Variants in DCDC2C observed in about 807,000 individuals in gnomAD.
DCDC2C encodes doublecortin domain-containing protein 2C.
Under a neutral mutation model 45.0 loss-of-function variants are expected in DCDC2C, and 44 were observed. The observed-to-expected ratio is 0.98, with a 90% CI of 0.77 to 1.26. The LOEUF is 1.26. DCDC2C is among the 50% of genes most tolerant of loss of function. The pLI is 0.00. For synonymous variants in DCDC2C, 187 were observed against 178.8 expected, an observed-to-expected ratio of 1.05 and a Z score of -0.37; for missense variants, 447 against 468.9, an observed-to-expected ratio of 0.95 and a Z score of 0.43.
intron 8 of DCDC2C, among the ~76,000 whole-genome samples, chr2:3,773,624 T>G (rs1670246840): frequency 6.6e-6 from 1 of 152,246 alleles, no homozygotes; most frequent in Non-Finnish European, 1.5e-5. Flanking sequence ...AAGCAAGGTC[T>G]TCTTCCAGTG....
intron 6 of DCDC2C, among the ~76,000 whole-genome samples, chr2:3,758,971 C>A (rs900210272): frequency 2.0e-5 from 3 of 152,170 alleles, no homozygotes; most frequent in Non-Finnish European, 2.9e-5. Flanking sequence ...AACCTGTGTG[C>A]AGCCTGAGAG....
At chr2:3,839,464 A>G (rs1467422367) in intron 10 of DCDC2C, among the ~76,000 whole-genome samples, 1 of 152,220 alleles carries the variant, frequency 6.6e-6, no homozygotes, top group Non-Finnish European at 1.5e-5. Flanking sequence ...TAATATTCAA[A>G]TCACATAATA....
At chr2:3,704,745 C>G (rs1474287983) in intron 1 of DCDC2C, among the ~76,000 whole-genome samples, 1 of 81,226 alleles carries the variant, frequency 1.2e-5, no homozygotes, top group African/African-American at 5.0e-5. Flanking sequence ...GCGTGGGGGG[C>G]AGGGCCTGGG....
Position 3,785,074 on chromosome 2 carries a change from A to G in DCDC2C, c.1039A>G (p.Arg347Gly). The change falls in exon 10 of 11, where the codon AGG becomes GGG. Residue 347 changes from arginine to glycine, a missense_variant. Arg to Gly is a moderately radical substitution (Grantham distance 125). Coordinates refer to ENST00000399143, the MANE Select transcript of DCDC2C (RefSeq NM_001287444.2). ...FEGNKDKEDARLCEDVERKMA... is the reference protein window; with the variant it reads ...FEGNKDKEDAGLCEDVERKMA... ...TTCATACTAGGATAAAGAAGATGCA[A>G]GGCTTTGTGAAGACGTTGAAAGAAA... 1 of 1,231,758 alleles carries G rather than the reference A, an allele frequency of 8.1e-7. No individual in the cohort carries two copies. 76.3% of individuals were successfully genotyped at this position (1,231,758 alleles called of 1,614,324 possible).
intron 6 of DCDC2C, among the ~76,000 whole-genome samples, chr2:3,765,155 C>T (rs988596912): frequency 2.0e-5 from 3 of 152,174 alleles, no homozygotes; most frequent in African/African-American, 7.2e-5. Flanking sequence ...TCTATCAATG[C>T]CCTGCATTTT....
intron 7 of DCDC2C, among the ~76,000 whole-genome samples, chr2:3,768,570 GCTT>G (rs1317221032): frequency 6.6e-6 from 1 of 152,036 alleles, no homozygotes; most frequent in Non-Finnish European, 1.5e-5. Context: ...TCCCCTCTTG[GCTT>G]CTTCTTTTCT....
At position 3,761,994 on chromosome 2, in the gene DCDC2C, A is replaced by G. The variant is rs1435580721; in HGVS notation, c.727-5760A>G. On this transcript the variant is annotated intron_variant, in intron 6 of 10. Coordinates refer to ENST00000399143, the MANE Select transcript of DCDC2C (RefSeq NM_001287444.2). This position sits in a 1 kb window ranked among gnomAD's most constrained non-coding sequence, Gnocchi z 4.3. Reference sequence around the variant, plus strand: ...ACATTTTCAATAGGGAGAAAGATGAATGAAATTGAGAAGCGGTACCTGTCC... The same window carrying G: ...ACATTTTCAATAGGGAGAAAGATGAGTGAAATTGAGAAGCGGTACCTGTCC... Among the ~76,000 whole-genome samples the G allele has an allele frequency of 1.3e-5, 2 of 152,182 alleles. No homozygotes were observed. The highest frequency in any genetic ancestry group is 2.9e-5 in the Non-Finnish European group (2 of 68,026).
chr2:3,718,653 A>G (rs1572555243), intron 2 of DCDC2C, among the ~76,000 whole-genome samples: 2 of 152,146 alleles, frequency 1.3e-5, no homozygotes, highest in African/African-American at 4.8e-5. Context: ...CCATGCAGTT[A>G]ACACTGGAAA....
chr2:3,742,698 T>C (rs1421882462), intron 4 of DCDC2C, among the ~76,000 whole-genome samples: 1 of 152,202 alleles, frequency 6.6e-6, no homozygotes, highest in African/African-American at 2.4e-5. Flanking sequence ...TGATGCATAG[T>C]AGGCGTGAAA....
chr2:3,740,349 G>T (rs1669168225), intron 3 of DCDC2C, among the ~76,000 whole-genome samples: 1 of 152,172 alleles, frequency 6.6e-6, no homozygotes, highest in African/African-American at 2.4e-5. Flanking sequence ...TGGGTTAGTG[G>T]TTATTGATCC....
At chr2:3,797,305 C>G (rs886722550) in intron 10 of DCDC2C, among the ~76,000 whole-genome samples, 6 of 150,738 alleles carry the variant, frequency 4.0e-5, no homozygotes, top group Non-Finnish European at 7.4e-5. Flanking sequence ...TTTTGTTGAT[C>G]CTTTCAAAAA....
chr2:3,816,308 C>CG (rs908468965), intron 10 of DCDC2C, among the ~76,000 whole-genome samples: 8 of 236 alleles, frequency 0.034, no homozygotes, highest in Admixed American at 0.18. Context: ...AGAGAGTGCC[C>CG]AAGGGGTTTA....
chr2:3,797,688 G>A, intron 10 of DCDC2C, among the ~76,000 whole-genome samples: 1 of 151,738 alleles, frequency 6.6e-6, no homozygotes, highest in East Asian at 1.9e-4. Context: ...TTTTGAGTGA[G>A]ATTCTTAATC....
chr2:3,842,108 A>G (rs942955359), intron 10 of DCDC2C, among the ~76,000 whole-genome samples: 1 of 152,178 alleles, frequency 6.6e-6, no homozygotes, highest in African/African-American at 2.4e-5. Flanking sequence ...TTAAAAATAG[A>G]CAATATGGAA....
rs1218150888 is a variant in DCDC2C at position 3,703,933 on chromosome 2, G to A, written c.182G>A (p.Arg61His). ...CAGGTGGACGTCCCGTTCGGCGTGC[G>A]CCGCCTCTTCACGCCCACGCGTGGG... Reference protein sequence around the residue: ...TEQVDVPFGVRRLFTPTRGHR... With the variant: ...TEQVDVPFGVHRLFTPTRGHR... The change falls in exon 1 of 11, where the codon CGC becomes CAC. Residue 61 changes from arginine (R) to histidine (H), a missense_variant. Transcript: ENST00000399143. This position sits in a 1 kb window ranked among gnomAD's most constrained non-coding sequence, Gnocchi z 4.4. The A allele has an allele frequency of 5.3e-6, 7 of 1,332,638 alleles. No homozygotes were observed. The highest frequency in any genetic ancestry group is 7.4e-5 in the Admixed American group (2 of 26,960). 82.6% of individuals were successfully genotyped at this position (1,332,638 alleles called of 1,614,324 possible).
chr2:3,721,754 G>A lies in DCDC2C; in HGVS notation c.340-5249G>A, dbSNP rs567173776. Among the ~76,000 whole-genome samples the A allele has an allele frequency of 5.3e-5, 8 of 152,272 alleles. No individual in the cohort carries two copies. The South Asian group carries it at 1.7e-3, about 32-fold the overall frequency. ...TGAATTATGGGGGCAGGTCTTTCCTGTGCTGTTCTCGTGATAGTGAATGAG... is the reference window on the plus strand; with the variant it reads ...TGAATTATGGGGGCAGGTCTTTCCTATGCTGTTCTCGTGATAGTGAATGAG... On this transcript the variant is annotated intron_variant, in intron 2 of 10. Transcript: ENST00000399143.
chr2:3,710,142 C>T lies in DCDC2C; in HGVS notation c.339+1542C>T, dbSNP rs990867322. Among the ~76,000 whole-genome samples, 9 of 152,104 alleles carry T rather than the reference C, an allele frequency of 5.9e-5. No individual in the cohort carries two copies. The East Asian group carries it at 9.6e-4, about 16-fold the overall frequency. Reference sequence around the variant, plus strand: ...AATACTGTGCAGAAAATCAAAACTACGGTGAGATACCATCTCACACCAGTC... The same window carrying T: ...AATACTGTGCAGAAAATCAAAACTATGGTGAGATACCATCTCACACCAGTC... On this transcript the variant is annotated intron_variant, in intron 2 of 10. Coordinates refer to ENST00000399143, the MANE Select transcript of DCDC2C (RefSeq NM_001287444.2).
At chr2:3,803,827 T>A (rs1671169130) in intron 10 of DCDC2C, among the ~76,000 whole-genome samples, 1 of 152,246 alleles carries the variant, frequency 6.6e-6, no homozygotes, top group African/African-American at 2.4e-5. Context: ...TCTCATGGCC[T>A]CAGCACTGGC....
intron 9 of DCDC2C, among the ~76,000 whole-genome samples, 174 bp downstream of exon 9, chr2:3,779,058 T>C (rs570401787): frequency 2.5e-4 from 38 of 152,102 alleles, no homozygotes; most frequent in Admixed American, 5.9e-4. Flanking sequence ...ACGATCGGGT[T>C]TCCTGTGCCA....
Sources: gnomAD v4.1 joint callset for allele counts (sites outside exome capture counted in the v4.1 genomes callset) on GRCh38, gnomAD v4.1.1 for gene constraint, Gnocchi (gnomAD v3.1) non-coding constraint, MANE v1.5 for transcripts, NCBI Gene and HGNC (gene_info 2026-07-23, HGNC 2026-07-21) for gene names.